Variants in ZNF750 observed in about 807,000 individuals in gnomAD.
ZNF750 encodes zinc finger protein 750.
A neutral mutation model predicts 31.6 loss-of-function variants in ZNF750; 10 were observed. The ratio of observed to expected loss-of-function variants is 0.32; its 90% CI spans 0.19 to 0.54. The LOEUF (loss-of-function observed/expected upper bound fraction) is 0.54, where lower values mean the gene tolerates loss of function less well. Ranked by LOEUF, ZNF750 falls within the 20% of genes least tolerant of loss-of-function variation. The probability of loss-of-function intolerance (pLI) is 0.95; values close to 1 mark genes in which losing one functional copy is unlikely to be tolerated. For synonymous variants in ZNF750, 400 were observed against 404.9 expected (o/e 0.99, Z 0.15); for missense variants, 914 against 934.9 (o/e 0.98, Z 0.29).
chr17:82,829,999 G>T lies in ZNF750; in HGVS notation c.*143C>A, dbSNP rs1598765268. 1.4e-5 allele frequency: 5 copies of T among 354,032 alleles called. No homozygotes were observed. In the Admixed American group the frequency reaches 2.2e-4, roughly 15 times the overall value. 21.9% of individuals were successfully genotyped at this position (354,032 alleles called of 1,614,324 possible). A position where few individuals can be genotyped will look rare whatever the true frequency, so the allele number is the denominator to read the frequency against. ...TAAAAACTGAATTGGAGGGTTTTTTGTTTGTTTGTTTGTTTGTTTTTTTGA... is the reference window on the plus strand; with the variant it reads ...TAAAAACTGAATTGGAGGGTTTTTTTTTTGTTTGTTTGTTTGTTTTTTTGA... On this transcript the variant is annotated 3_prime_UTR_variant, in exon 3 of 3. Transcript: ENST00000269394.
At chr17:82,834,725 G>A (rs1187111238) in intron 1 of ZNF750, among the ~76,000 whole-genome samples, 2 of 151,964 alleles carry the variant, frequency 1.3e-5, no homozygotes. Flanking sequence ...TTAGGGGTGG[G>A]GGTCGGGGGG....
In ZNF750 at chr17:82,831,684, C is replaced by T. The variant is rs143407397; in HGVS notation, c.771G>A (p.Ser257=). Residue 257 remains serine, a synonymous_variant, in exon 2 of 3, where the codon TCG becomes TCA. Transcript: ENST00000269394. The surrounding 1 kb of genome is among the most constrained non-coding windows in gnomAD (Gnocchi z 4.6). ...YTEHGLATIY[S]PYLLAGSSPE... Reference sequence around the variant, plus strand: ...GCGAGCTCCCAGCCAGCAGGTAAGGCGAGTAGATGGTGGCCAGCCCGTGCT... The same window carrying T: ...GCGAGCTCCCAGCCAGCAGGTAAGGTGAGTAGATGGTGGCCAGCCCGTGCT... 4.5e-5 allele frequency: 73 copies of T among 1,613,870 alleles called. No homozygotes were observed. In the African/African-American group the frequency reaches 7.1e-4, roughly 16 times the overall value.
rs1465687048 is a variant in ZNF750 at position 82,833,082 on chromosome 17, C to T, written c.-182-446G>A. ...TGCCCGACTCTGCTTGGGGGTTACA[C>T]GCTTGAAGCAGTGGGTGTGTGATCG... On this transcript the variant is annotated intron_variant, in intron 1 of 2. Transcript: ENST00000269394. The surrounding 1 kb of genome is among the most constrained non-coding windows in gnomAD (Gnocchi z 4.7). Among the ~76,000 whole-genome samples the T allele has an allele frequency of 3.9e-5, 6 of 152,220 alleles. No homozygotes were observed. In the South Asian group the frequency reaches 8.3e-4, roughly 21 times the overall value.
In ZNF750 at chr17:82,830,007, GTT is replaced by G; in HGVS notation, c.*133_*134del. On this transcript the variant is annotated 3_prime_UTR_variant, in exon 3 of 3. Coordinates refer to ENST00000269394, the MANE Select transcript of ZNF750 (RefSeq NM_024702.3). ...GAATTGGAGGGTTTTTTGTTTGTTT[GTT>G]TGTTTGTTTTTTTGAGAAGCAGCAG... The G allele has an allele frequency of 1.4e-6, 2 of 1,390,982 alleles. No individual in the cohort carries two copies. The highest frequency in any genetic ancestry group is 2.0e-6 in the Non-Finnish European group (2 of 1,019,358). The allele number at this position is 1,390,982 out of a possible 1,614,324, so 86.2% of individuals were successfully genotyped here.
chr17:82,830,177 C>A lies in ZNF750; in HGVS notation c.2137G>T (p.Val713Leu). The change falls in exon 3 of 3, where the codon GTG becomes TTG. Residue 713 changes from valine (V) to leucine (L), a missense_variant. By Grantham distance (32) the Val-to-Leu change is conservative. This residue lies in a region of ZNF750 where 880 missense variants were observed against 868.9 expected (regional missense o/e 1.01). Transcript: ENST00000269394. ...KKAKLQDTAR[V>L]FTLRRRARVS ...CGGGCCCTCCTTCGTAGTGTGAACACTCTGGCCGTGTCCTGCAGCTTCGCC... is the reference window on the plus strand; with the variant it reads ...CGGGCCCTCCTTCGTAGTGTGAACAATCTGGCCGTGTCCTGCAGCTTCGCC... The A allele has an allele frequency of 6.2e-7, 1 of 1,614,202 alleles. No individual in the cohort carries two copies. The highest frequency in any genetic ancestry group is 1.1e-5 in the South Asian group (1 of 91,086).
intron 1 of ZNF750, among the ~76,000 whole-genome samples, chr17:82,834,611 C>A (rs1028233640): frequency 6.6e-6 from 1 of 151,804 alleles, no homozygotes. Flanking sequence ...AGCAAACTAA[C>A]GCAGGAAGAG....
Position 82,831,404 on chromosome 17 carries a change from C to A in ZNF750, c.1051G>T (p.Glu351Ter), listed in dbSNP as rs377565207. The A allele has an allele frequency of 6.2e-7, 1 of 1,614,040 alleles. No individual in the cohort carries two copies. Among genetic ancestry groups the A allele is most frequent in the Non-Finnish European group, 8.5e-7 (1 of 1,180,030 alleles). ...LTRDQSSHLLEEATLVYPASS... is the reference protein window; with the variant it reads ...LTRDQSSHLL Reference sequence around the variant, plus strand: ...GCTGGATAGACCAGGGTGGCTTCTTCAAGCAGGTGAGAGCTCTGATCTCGG... The same window carrying A: ...GCTGGATAGACCAGGGTGGCTTCTTAAAGCAGGTGAGAGCTCTGATCTCGG... Residue 351 changes from glutamate to a stop codon, truncating the protein, a stop_gained, in exon 2 of 3, where the codon GAA (glutamate) becomes TAA (stop). Transcript: ENST00000269394. LOFTEE classifies it high-confidence loss of function. This position sits in a 1 kb window ranked among gnomAD's most constrained non-coding sequence, Gnocchi z 4.6.
At chr17:82,837,153 G>A (rs138722815) in intron 1 of ZNF750, among the ~76,000 whole-genome samples, 76 of 152,322 alleles carry the variant, frequency 5.0e-4, no homozygotes, top group African/African-American at 1.7e-3. Context: ...GGATAACATT[G>A]TTGCTTTGGT....
rs767406008 is a variant in ZNF750 at position 82,831,029 on chromosome 17, A to G, written c.1426T>C (p.Ser476Pro). 6.2e-7 allele frequency: 1 copy of G among 1,614,006 alleles called. No individual in the cohort carries two copies. Among genetic ancestry groups the G allele is most frequent in the South Asian group, 1.1e-5 (1 of 91,070 alleles). The change falls in exon 2 of 3, where the codon TCT becomes CCT. Residue 476 changes from serine to proline, a missense_variant. By Grantham distance (74) the Ser-to-Pro change is moderately conservative. Transcript: ENST00000269394. The surrounding 1 kb of genome is among the most constrained non-coding windows in gnomAD (Gnocchi z 4.6). ...PAQAAETTAE[S>P]PVSLNVVNGD... ...ATGACATTTTCTTACCTTACTGGAGACTCTGCTGTGGTCTCAGCAGCCTGG... is the reference window on the plus strand; with the variant it reads ...ATGACATTTTCTTACCTTACTGGAGGCTCTGCTGTGGTCTCAGCAGCCTGG...
intron 1 of ZNF750, chr17:82,838,684 G>C: frequency 1.0e-6 from 1 of 985,410 alleles, no homozygotes; most frequent in Non-Finnish European, 1.2e-6. Context: ...CAGCCTTTCG[G>C]TTCTTTAAAA....
Position 82,830,792 on chromosome 17 carries a change from T to C in ZNF750, c.1522A>G (p.Ser508Gly). 2 of 1,613,572 alleles carry C rather than the reference T, an allele frequency of 1.2e-6. No individual in the cohort carries two copies. Among genetic ancestry groups the C allele is most frequent in the Non-Finnish European group, 1.7e-6 (2 of 1,180,014 alleles). Residue 508 changes from serine to glycine, a missense_variant, in exon 3 of 3, where the codon AGC (serine) becomes GGC (glycine). Around this residue, in one of 2 missense-constraint regions of ZNF750, gnomAD observed 880 missense variants for 868.9 expected, o/e 1.01. Transcript: ENST00000269394. ...AGGTTGAGGGGGCCCATCCCGGAGC[T>C]GTCGTCCGGACTGGAAGGCGCGGCC... ...SEAAPSSPDDSSGMGPLNLSK... is the reference protein window; with the variant it reads ...SEAAPSSPDDGSGMGPLNLSK...
chr17:82,831,611 T>C lies in ZNF750; in HGVS notation c.844A>G (p.Arg282Gly). 2.5e-6 allele frequency: 4 copies of C among 1,614,146 alleles called. No individual in the cohort carries two copies. Among genetic ancestry groups the C allele is most frequent in the Non-Finnish European group, 3.4e-6 (4 of 1,180,008 alleles). The change falls in exon 2 of 3, where the codon AGA (arginine) becomes GGA (glycine). Residue 282 changes from arginine (R) to glycine (G), a missense_variant. By Grantham distance (125) the Arg-to-Gly change is moderately radical. Coordinates refer to ENST00000269394, the MANE Select transcript of ZNF750 (RefSeq NM_024702.3). This position sits in a 1 kb window ranked among gnomAD's most constrained non-coding sequence, Gnocchi z 4.6. ...LLSVYGTQDP[R>G]HFLPHPGPIP... The stretch of plus-strand genomic sequence containing the variant: ...GGCCCCGGGTGAGGCAGGAAGTGTC[T>C]CGGGTCTTGGGTTCCGTAGACTGAC...
rs972408806 is a variant in ZNF750, at chr17:82,835,385, C to A, written c.-182-2749G>T. 2.6e-5 allele frequency among the ~76,000 whole-genome samples: 4 copies of A among 152,106 alleles called. No homozygotes were observed. Among genetic ancestry groups the A allele is most frequent in the Non-Finnish European group, 5.9e-5 (4 of 68,008 alleles). On this transcript the variant is annotated intron_variant, in intron 1 of 2. Transcript: ENST00000269394. The surrounding 1 kb of genome is among the most constrained non-coding windows in gnomAD (Gnocchi z 4.5). ...TGGGGAAGTGCTCTGATTTTGTTCT[C>A]AGCAAACTGGTTTCTCTACTGATTT...
At chr17:82,837,418 T>C (rs373407402) in intron 1 of ZNF750, among the ~76,000 whole-genome samples, 147 of 152,332 alleles carry the variant, frequency 9.6e-4, no homozygotes, top group Middle Eastern at 6.8e-3. Flanking sequence ...TCTAGCTGTT[T>C]ACAGTAATTT....
chr17:82,832,458 C>G lies in ZNF750; in HGVS notation c.-4G>C, dbSNP rs763775008. The G allele has an allele frequency of 1.2e-6, 2 of 1,607,774 alleles. No individual in the cohort carries two copies. Among genetic ancestry groups the G allele is most frequent in the Non-Finnish European group, 1.7e-6 (2 of 1,179,724 alleles). ...TCCGCTCTTTGAGGAGACTCATTTTCCTCCTTATGCCTTGGACTCTGGCTG... is the reference window on the plus strand; with the variant it reads ...TCCGCTCTTTGAGGAGACTCATTTTGCTCCTTATGCCTTGGACTCTGGCTG... On this transcript the variant is annotated 5_prime_UTR_variant, in exon 2 of 3. Transcript: ENST00000269394. The surrounding 1 kb of genome is among the most constrained non-coding windows in gnomAD (Gnocchi z 4.9).
rs1598765361 is a variant in ZNF750, at chr17:82,830,010, T to C, written c.*132A>G. ...TTGGAGGGTTTTTTGTTTGTTTGTT[T>C]GTTTGTTTTTTTGAGAAGCAGCAGC... On this transcript the variant is annotated 3_prime_UTR_variant, in exon 3 of 3. Transcript: ENST00000269394. 7.1e-7 allele frequency: 1 copy of C among 1,409,268 alleles called. No homozygotes were observed. The highest frequency in any genetic ancestry group is 9.7e-7 in the Non-Finnish European group (1 of 1,031,790). 87.3% of individuals were successfully genotyped at this position (1,409,268 alleles called of 1,614,324 possible).
In ZNF750 at chr17:82,830,362, A is replaced by C. The variant is rs1598768507; in HGVS notation, c.1952T>G (p.Val651Gly). The part of the protein sequence containing the change: ...LAAYSPRNIR[V>G]GDGDAAAPEP... The stretch of plus-strand genomic sequence containing the variant: ...CGGGGCCGCAGCATCCCCATCGCCC[A>C]CCCGGATGTTCCTGGGGCTGTAGGC... Residue 651 changes from valine to glycine, a missense_variant, in exon 3 of 3, where the codon GTG (valine) becomes GGG (glycine). By Grantham distance (109) the Val-to-Gly change is moderately radical. This residue lies in a region of ZNF750 where 880 missense variants were observed against 868.9 expected (regional missense o/e 1.01). Transcript: ENST00000269394. 6.2e-7 allele frequency: 1 copy of C among 1,613,076 alleles called. No homozygotes were observed. The highest frequency in any genetic ancestry group is 2.2e-5 in the East Asian group (1 of 44,868).
At chr17:82,834,228 G>T (rs1431444438) in intron 1 of ZNF750, among the ~76,000 whole-genome samples, 1 of 152,158 alleles carries the variant, frequency 6.6e-6, no homozygotes, top group African/African-American at 2.4e-5. Context: ...GATTAGAGGC[G>T]TGAGCCACCG....
Position 82,833,229 on chromosome 17 carries a change from T to G in ZNF750, c.-182-593A>C, listed in dbSNP as rs930630376. Among the ~76,000 whole-genome samples the G allele has an allele frequency of 6.6e-6, 1 of 152,088 alleles. No homozygotes were observed. The highest frequency in any genetic ancestry group is 6.5e-5 in the Admixed American group (1 of 15,270). ...GGGCTGGCCACCGTCTACTTGCTCC[T>G]ACCTGCTGGCTGGGAGCTCTCCCAA... On this transcript the variant is annotated intron_variant, in intron 1 of 2. Transcript: ENST00000269394. The surrounding 1 kb of genome is among the most constrained non-coding windows in gnomAD (Gnocchi z 4.7).
Sources: gnomAD v4.1 joint callset for allele counts (sites outside exome capture counted in the v4.1 genomes callset) on GRCh38, gnomAD v4.1.1 for gene constraint, gnomAD v4.1.1 regional missense constraint, Gnocchi (gnomAD v3.1) non-coding constraint, MANE v1.5 for transcripts, NCBI Gene and HGNC (gene_info 2026-07-23, HGNC 2026-07-21) for gene names.